Variants in ATRNL1 observed in about 807,000 individuals in gnomAD.
The protein encoded by ATRNL1 is attractin like 1.
ATRNL1 carries 95 observed loss-of-function variants against 182.7 expected under a neutral mutation model. That is an observed-to-expected ratio of 0.52 (90% confidence interval 0.44 to 0.62). The LOEUF is 0.62. Ranked by LOEUF, ATRNL1 falls within the 20% of genes least tolerant of loss-of-function variation. The pLI is 0.00. For missense variants in ATRNL1, 1,471 were observed against 1,679.5 expected (o/e 0.88, Z 2.17); for synonymous variants, 576 against 568.3 (o/e 1.01, Z -0.19).
intron 20 of ATRNL1, among the ~76,000 whole-genome samples, chr10:115,425,439 G>A (rs1050521133): frequency 1.1e-4 from 16 of 151,810 alleles, no homozygotes; most frequent in Non-Finnish European, 2.4e-4. Context: ...TTTGGAGGAC[G>A]TTCCAAGAAA....
chr10:115,222,978 T>C (rs957028330), intron 9 of ATRNL1, among the ~76,000 whole-genome samples: 1 of 152,028 alleles, frequency 6.6e-6, no homozygotes, highest in Non-Finnish European at 1.5e-5. Flanking sequence ...GGTAAATTAG[T>C]GTTAAAAAGT....
intron 8 of ATRNL1, among the ~76,000 whole-genome samples, chr10:115,175,235 G>A (rs908055497): frequency 1.2e-4 from 18 of 151,978 alleles, no homozygotes; most frequent in Middle Eastern, 3.4e-3. Context: ...TTTATTGAAC[G>A]TTTGTCCCAC....
chr10:115,498,411 G>A (rs1469084441), intron 24 of ATRNL1, among the ~76,000 whole-genome samples: 5 of 151,850 alleles, frequency 3.3e-5, no homozygotes, highest in Non-Finnish European at 7.4e-5. Flanking sequence ...CTCAACTTGG[G>A]TTTTAAAATT....
At chr10:115,157,627 C>T (rs1846584868) in intron 5 of ATRNL1, among the ~76,000 whole-genome samples, 1 of 152,092 alleles carries the variant, frequency 6.6e-6, no homozygotes, top group South Asian at 2.1e-4. Flanking sequence ...ACATTGCTTC[C>T]TTCTGCAGTC....
chr10:115,235,846 C>T (rs1432294608), intron 9 of ATRNL1, among the ~76,000 whole-genome samples: 3 of 151,924 alleles, frequency 2.0e-5, no homozygotes, highest in African/African-American at 4.8e-5. Flanking sequence ...TCTTGTTAAA[C>T]CTTTACATAA....
intron 26 of ATRNL1, among the ~76,000 whole-genome samples, chr10:115,696,848 G>T (rs1946575217): frequency 6.7e-6 from 1 of 148,750 alleles, no homozygotes; most frequent in African/African-American, 2.5e-5. Flanking sequence ...GGGGAAGCAG[G>T]TACAGTCATC....
intron 28 of ATRNL1, among the ~76,000 whole-genome samples, chr10:115,875,234 G>A (rs1951675399): frequency 6.6e-6 from 1 of 152,192 alleles, no homozygotes; most frequent in Admixed American, 6.5e-5. Context: ...AAGTTGATTT[G>A]AGAGATCTTT....
chr10:115,110,388 T>C (rs1391862683), intron 1 of ATRNL1, among the ~76,000 whole-genome samples: 1 of 152,162 alleles, frequency 6.6e-6, no homozygotes, highest in East Asian at 1.9e-4. Flanking sequence ...GAGCCATGCC[T>C]GAAAGTACTA....
chr10:115,308,974 T>C (rs1554927045), intron 17 of ATRNL1, among the ~76,000 whole-genome samples: 1 of 152,076 alleles, frequency 6.6e-6, no homozygotes, highest in Non-Finnish European at 1.5e-5. Flanking sequence ...TCTACATATG[T>C]TGATCCAGCT....
At chr10:115,103,585 G>C (rs766576393) in intron 1 of ATRNL1, among the ~76,000 whole-genome samples, 6 of 151,946 alleles carry the variant, frequency 3.9e-5, no homozygotes, top group Non-Finnish European at 7.4e-5. Flanking sequence ...AACCACATCA[G>C]GGTAAATAGG....
chr10:115,186,674 G>T (rs2144199977), intron 8 of ATRNL1, among the ~76,000 whole-genome samples: 1 of 152,224 alleles, frequency 6.6e-6, no homozygotes, highest in South Asian at 2.1e-4. Context: ...ATAGAAAAAT[G>T]ATGGTTACTA....
At chr10:115,366,195 G>C (rs12356952) in intron 19 of ATRNL1, among the ~76,000 whole-genome samples, 24 of 152,068 alleles carry the variant, frequency 1.6e-4, no homozygotes, top group Middle Eastern at 3.4e-3. Flanking sequence ...TATGAATCTA[G>C]GTGCTCCTGT....
At chr10:115,717,297 G>A (rs1467529930) in intron 26 of ATRNL1, among the ~76,000 whole-genome samples, 2 of 152,048 alleles carry the variant, frequency 1.3e-5, no homozygotes, top group African/African-American at 4.8e-5. Flanking sequence ...TGGACTGTCT[G>A]AGATATACAA....
intron 26 of ATRNL1, among the ~76,000 whole-genome samples, chr10:115,555,133 A>C (rs1249961661): frequency 6.6e-6 from 1 of 151,748 alleles, no homozygotes. Context: ...TATTTTCAAC[A>C]CAAATGCTCA....
chr10:115,247,739 C>T (rs1375206521), intron 10 of ATRNL1, among the ~76,000 whole-genome samples: 8 of 152,138 alleles, frequency 5.3e-5, no homozygotes, highest in Non-Finnish European at 8.8e-5. Flanking sequence ...TATTGCAGTA[C>T]TATTCACAAC....
At chr10:115,823,408 G>A (rs1449369927) in intron 27 of ATRNL1, among the ~76,000 whole-genome samples, 1 of 152,122 alleles carries the variant, frequency 6.6e-6, no homozygotes, top group Non-Finnish European at 1.5e-5. Context: ...ATTCAACATA[G>A]TATTGGAAGT....
At chr10:115,197,187 T>G (rs184682871) in intron 8 of ATRNL1, among the ~76,000 whole-genome samples, 2 of 152,234 alleles carry the variant, frequency 1.3e-5, no homozygotes, top group East Asian at 3.9e-4. Context: ...ATTGATTGAC[T>G]TTTACATGTT....
rs935044430 is a variant in ATRNL1, at chr10:115,483,306, C to T, written c.3654+13977C>T. On this transcript the variant is annotated intron_variant, in intron 24 of 28. Transcript: ENST00000355044. Reference sequence around the variant, plus strand: ...GTAAAGAACTGTTCTCAAACTTTCACGCTGGGAAAAAAATTGTTTAGAAAG... The same window carrying T: ...GTAAAGAACTGTTCTCAAACTTTCATGCTGGGAAAAAAATTGTTTAGAAAG... Among the ~76,000 whole-genome samples the T allele has an allele frequency of 3.3e-5, 5 of 151,334 alleles. No homozygotes were observed. The East Asian group carries it at 5.8e-4, about 18-fold the overall frequency.
At chr10:115,188,101 G>A (rs1042370279) in intron 8 of ATRNL1, among the ~76,000 whole-genome samples, 1 of 151,564 alleles carries the variant, frequency 6.6e-6, no homozygotes, top group Admixed American at 6.6e-5. Flanking sequence ...GGGAGAGGAA[G>A]GGAGAGAGAG....
Sources: allele counts gnomAD v4.1 joint callset (sites outside exome capture counted in the v4.1 genomes callset), GRCh38; gene constraint gnomAD v4.1.1; transcripts MANE v1.5; gene names NCBI Gene and HGNC (gene_info 2026-07-23, HGNC 2026-07-21).